NPAS2: variants seen among roughly 807,000 people sequenced by gnomAD.
NPAS2 encodes the protein neuronal PAS domain-containing protein 2.
Under a neutral mutation model 107.5 loss-of-function variants are expected in NPAS2, and 23 were observed. The observed-to-expected ratio is 0.21, with a 90% CI of 0.15 to 0.30. NPAS2 has a LOEUF of 0.30. Among genes scored for constraint, NPAS2 ranks in the 10% least tolerant of loss-of-function variants. NPAS2 has a pLI of 1.00. For synonymous variants in NPAS2, 403 were observed against 417.5 expected (o/e 0.97, Z 0.42); for missense variants, 756 against 1,043.3 (o/e 0.72, Z 3.79).
chr2:100,902,979 G>T (rs1681882832), intron 1 of NPAS2, among the ~76,000 whole-genome samples: 2 of 152,218 alleles, frequency 1.3e-5, no homozygotes, highest in African/African-American at 4.8e-5. Context: ...AATGTCTGCG[G>T]GATAAACATA....
At chr2:100,908,021 G>T (rs1184964284) in intron 2 of NPAS2, among the ~76,000 whole-genome samples, 1 of 151,868 alleles carries the variant, frequency 6.6e-6, no homozygotes, top group Admixed American at 6.6e-5. Context: ...AGTGTTGTAG[G>T]GTGTGTGTGT....
chr2:100,964,727 C>T (rs182073912), intron 8 of NPAS2, 134 bp from the exon 9 acceptor site: 3 of 614,698 alleles, frequency 4.9e-6, no homozygotes, highest in Admixed American at 7.0e-5. Flanking sequence ...TGATGAGTTT[C>T]AGTCCAACAC....
chr2:100,850,751 G>A (rs1438255146), intron 1 of NPAS2, among the ~76,000 whole-genome samples: 1 of 151,888 alleles, frequency 6.6e-6, no homozygotes. Flanking sequence ...TCAGGCATTC[G>A]AGGCCAGCCT....
intron 4 of NPAS2, among the ~76,000 whole-genome samples, chr2:100,937,252 G>T (rs933136114): frequency 6.6e-6 from 1 of 152,160 alleles, no homozygotes; most frequent in Non-Finnish European, 1.5e-5. Flanking sequence ...TTCTCTTGTG[G>T]CAATGAATGT....
At chr2:100,858,495 T>G (rs1678724127) in intron 1 of NPAS2, among the ~76,000 whole-genome samples, 1 of 152,184 alleles carries the variant, frequency 6.6e-6, no homozygotes, top group Non-Finnish European at 1.5e-5. Context: ...GCTGTGAGGG[T>G]CTCTGTTTCC....
intron 1 of NPAS2, among the ~76,000 whole-genome samples, chr2:100,837,537 T>A (rs1677143833): frequency 6.6e-6 from 1 of 152,184 alleles, no homozygotes; most frequent in Admixed American, 6.5e-5. Context: ...GATCTCGAAC[T>A]CCTGACCTCA....
intron 1 of NPAS2, among the ~76,000 whole-genome samples, chr2:100,832,867 C>G (rs1484437366): frequency 2.0e-5 from 3 of 152,188 alleles, no homozygotes; most frequent in African/African-American, 7.2e-5. Flanking sequence ...TACAAAATCT[C>G]CTTATGTTTT....
intron 1 of NPAS2, among the ~76,000 whole-genome samples, chr2:100,873,305 TATACAC>T (rs1364239602): frequency 0.02 from 769 of 38,188 alleles, 1 homozygote; most frequent in East Asian, 0.036. Flanking sequence ...TATATATATA[TATACAC>T]ACACACACAC....
At chr2:100,906,850 C>T (rs1682180893) in intron 2 of NPAS2, among the ~76,000 whole-genome samples, 2 of 152,192 alleles carry the variant, frequency 1.3e-5, no homozygotes, top group African/African-American at 4.8e-5. Flanking sequence ...TCCCATTTTA[C>T]AGGTGAGAAG....
At chr2:100,906,100 T>G (rs575692554) in intron 2 of NPAS2, among the ~76,000 whole-genome samples, 2 of 152,234 alleles carry the variant, frequency 1.3e-5, no homozygotes, top group Non-Finnish European at 2.9e-5. Context: ...CTTTTGCATA[T>G]GTTTGCAAAT....
rs3754676 is a variant in NPAS2 at position 100,933,609 on chromosome 2, G to A, written c.273+608G>A. ...TACTCATCTACAGGGCCGTATTTGT[G>A]AAAACCTGGCTGATCTAAATGAGTC... On this transcript the variant is annotated intron_variant, in intron 4 of 20. Coordinates refer to ENST00000335681, the MANE Select transcript of NPAS2 (RefSeq NM_002518.4). 5.2e-3 allele frequency among the ~76,000 whole-genome samples: 799 copies of A among 152,258 alleles called. 14 individuals carry two copies. The East Asian group carries it at 0.065, about 12-fold the overall frequency.
In NPAS2 at chr2:100,947,924, G is replaced by A. The variant is rs577305900; in HGVS notation, c.364-311G>A. ...GGGGCCATGCTACCCCAGCCAAAAC[G>A]CAGGAGTGTCAGCAAACAGCACTTC... On this transcript the variant is annotated intron_variant, in intron 5 of 20. Coordinates refer to ENST00000335681, the MANE Select transcript of NPAS2 (RefSeq NM_002518.4). Among the ~76,000 whole-genome samples the A allele has an allele frequency of 7.2e-5, 11 of 152,320 alleles. No individual in the cohort carries two copies. The South Asian group carries it at 2.3e-3, about 32-fold the overall frequency.
chr2:100,952,084 T>G (rs1244555374), intron 7 of NPAS2, among the ~76,000 whole-genome samples: 5 of 140,350 alleles, frequency 3.6e-5, no homozygotes, highest in South Asian at 2.3e-4. Flanking sequence ...CCCGGGAGGC[T>G]GAGCTTGCAG....
intron 1 of NPAS2, among the ~76,000 whole-genome samples, chr2:100,827,191 C>T (rs1397887060): frequency 6.6e-6 from 1 of 152,148 alleles, no homozygotes; most frequent in East Asian, 1.9e-4. Context: ...AGGAGATGAC[C>T]TTCCAGGCCT....
At chr2:100,985,991 T>C (rs1479987610) in intron 16 of NPAS2, 1 of 152,238 alleles carries the variant, frequency 6.6e-6, no homozygotes, top group Non-Finnish European at 1.5e-5. Context: ...GTAATTGGGT[T>C]TGACTACTAG....
At chr2:100,959,716 G>C (rs1675810345) in intron 7 of NPAS2, among the ~76,000 whole-genome samples, 1 of 152,172 alleles carries the variant, frequency 6.6e-6, no homozygotes, top group African/African-American at 2.4e-5. Flanking sequence ...ACACCTGTCA[G>C]ACTTGTTTTT....
chr2:100,837,340 C>T (rs1677130364), intron 1 of NPAS2, among the ~76,000 whole-genome samples: 1 of 152,124 alleles, frequency 6.6e-6, no homozygotes. Context: ...TGAATTTTTG[C>T]TCTTGTCACC....
chr2:100,952,146 T>G (rs1423418725), intron 7 of NPAS2, among the ~76,000 whole-genome samples: 42 of 135,576 alleles, frequency 3.1e-4, no homozygotes, highest in African/African-American at 1.0e-3. Flanking sequence ...AGCAAGACTC[T>G]GTCTCAAAAA....
At chr2:100,836,675 C>T (rs1333688537) in intron 1 of NPAS2, among the ~76,000 whole-genome samples, 4 of 152,306 alleles carry the variant, frequency 2.6e-5, no homozygotes, top group Middle Eastern at 3.4e-3. Flanking sequence ...TTCTTTCTTC[C>T]GTACGCACGG....
Sources: gnomAD v4.1 joint callset for allele counts (sites outside exome capture counted in the v4.1 genomes callset) on GRCh38, gnomAD v4.1.1 for gene constraint, MANE v1.5 for transcripts, NCBI Gene and HGNC (gene_info 2026-07-23, HGNC 2026-07-21) for gene names.